Variants in ZNF385D observed in about 807,000 individuals in gnomAD.
ZNF385D encodes the protein zinc finger protein 385D, also known as zinc finger protein 659.
Under a neutral mutation model 35.8 loss-of-function variants are expected in ZNF385D, and 15 were observed. The ratio of observed to expected loss-of-function variants is 0.42; its 90% CI spans 0.28 to 0.64. The LOEUF (loss-of-function observed/expected upper bound fraction) is 0.64, where lower values mean the gene tolerates loss of function less well. Among genes scored for constraint, ZNF385D ranks in the 30% least tolerant of loss-of-function variants. ZNF385D has a pLI of 0.23. For missense variants in ZNF385D, 474 were observed against 494.6 expected, an observed-to-expected ratio of 0.96 and a Z score of 0.39; for synonymous variants, 212 against 186.8, an observed-to-expected ratio of 1.13 and a Z score of -1.10.
intron 3 of ZNF385D, among the ~76,000 whole-genome samples, chr3:21,931,429 G>T (rs73820440): frequency 6.6e-6 from 1 of 152,132 alleles, no homozygotes; most frequent in Non-Finnish European, 1.5e-5. Context: ...TGACCCAGCA[G>T]TTACATTCCT....
intron 3 of ZNF385D, among the ~76,000 whole-genome samples, chr3:21,538,093 A>T (rs1239323569): frequency 6.6e-6 from 1 of 152,132 alleles, no homozygotes; most frequent in Non-Finnish European, 1.5e-5. Flanking sequence ...ATGTTTAGCC[A>T]GTGGAACCAG....
At chr3:21,486,395 A>G (rs1339782672) in intron 4 of ZNF385D, among the ~76,000 whole-genome samples, 1 of 151,924 alleles carries the variant, frequency 6.6e-6, no homozygotes, top group African/African-American at 2.4e-5. Flanking sequence ...CAAATTTGAC[A>G]ATGATACCTG....
At chr3:22,298,760 T>C (rs1262448304) in intron 2 of ZNF385D, among the ~76,000 whole-genome samples, 1 of 151,366 alleles carries the variant, frequency 6.6e-6, no homozygotes, top group African/African-American at 2.4e-5. Context: ...TTTCATTTTC[T>C]TACCATTAAA....
intron 3 of ZNF385D, among the ~76,000 whole-genome samples, chr3:21,559,642 G>A (rs1287017042): frequency 6.6e-6 from 1 of 151,958 alleles, no homozygotes; most frequent in African/African-American, 2.4e-5. Context: ...TGTGTCTTGG[G>A]GTTGCTCTTC....
At chr3:21,910,739 G>C (rs553273084) in intron 3 of ZNF385D, among the ~76,000 whole-genome samples, 18 of 151,496 alleles carry the variant, frequency 1.2e-4, no homozygotes, top group Non-Finnish European at 2.2e-4. Context: ...GGCAGAGAAA[G>C]CTTTATTGGA....
chr3:22,331,858 TG>T (rs1694950253), intron 2 of ZNF385D, among the ~76,000 whole-genome samples: 1 of 152,204 alleles, frequency 6.6e-6, no homozygotes, highest in African/African-American at 2.4e-5. Context: ...TGACATCATT[TG>T]AGTTTAGGTA....
chr3:21,711,408 T>C lies in ZNF385D; in HGVS notation c.22+39487A>G, dbSNP rs553691634. ...TAAATTGATTTCAAAATTTCTAATA[T>C]TCTATTAATAAGTTTGTAAAGATTG... On this transcript the variant is annotated intron_variant, in intron 1 of 7. Coordinates refer to ENST00000281523, the MANE Select transcript of ZNF385D (RefSeq NM_024697.3). Among the ~76,000 whole-genome samples the C allele has an allele frequency of 3.7e-4, 56 of 152,290 alleles. 1 individual carries two copies. Among genetic ancestry groups the C allele is most frequent in the South Asian group, 8.3e-4 (4 of 4,830 alleles).
intron 3 of ZNF385D, among the ~76,000 whole-genome samples, chr3:21,524,654 A>G (rs1049590436): frequency 2.0e-5 from 3 of 152,190 alleles, no homozygotes; most frequent in African/African-American, 7.2e-5. Flanking sequence ...TCACTAGAAC[A>G]GCAAGAGGGG....
At chr3:22,090,361 T>C (rs1321615077) in intron 3 of ZNF385D, among the ~76,000 whole-genome samples, 1 of 152,132 alleles carries the variant, frequency 6.6e-6, no homozygotes, top group Non-Finnish European at 1.5e-5. Context: ...AACTATTGCC[T>C]GTGGTATATT....
chr3:21,450,041 G>T (rs2125276073), intron 4 of ZNF385D, among the ~76,000 whole-genome samples: 1 of 152,300 alleles, frequency 6.6e-6, no homozygotes, highest in Admixed American at 6.5e-5. Flanking sequence ...GGTATCTGAG[G>T]ACTTGGCCTG....
intron 2 of ZNF385D, among the ~76,000 whole-genome samples, chr3:22,261,169 A>G (rs1700610067): frequency 6.6e-6 from 1 of 151,784 alleles, no homozygotes; most frequent in Admixed American, 6.6e-5. Flanking sequence ...ATAGCCTCTC[A>G]AATTTGTTGT....
intron 2 of ZNF385D, among the ~76,000 whole-genome samples, chr3:22,187,604 C>T (rs1380824026): frequency 6.6e-6 from 1 of 151,922 alleles, no homozygotes; most frequent in African/African-American, 2.4e-5. Flanking sequence ...GAACAAAGTT[C>T]TCATGAGGAA....
At chr3:21,785,837 T>G (rs996173666) in intron 3 of ZNF385D, among the ~76,000 whole-genome samples, 8 of 152,144 alleles carry the variant, frequency 5.3e-5, no homozygotes, top group Non-Finnish European at 1.2e-4. Flanking sequence ...ATAAACCTAT[T>G]TGACTAACTG....
chr3:22,258,271 A>T (rs970472230), intron 2 of ZNF385D, among the ~76,000 whole-genome samples: 3 of 151,830 alleles, frequency 2.0e-5, no homozygotes, highest in African/African-American at 7.2e-5. Flanking sequence ...ACATTTACTC[A>T]AAGAGAGGAA....
chr3:22,253,651 G>T (rs1417862346), intron 2 of ZNF385D, among the ~76,000 whole-genome samples: 1 of 151,796 alleles, frequency 6.6e-6, no homozygotes, highest in Non-Finnish European at 1.5e-5. Context: ...AATTTAATTT[G>T]AAACCACAAA....
chr3:21,443,329 A>T, intron 4 of ZNF385D: 1 of 985,282 alleles, frequency 1.0e-6, no homozygotes, highest in Admixed American at 6.1e-5. Context: ...CTGGGGAACA[A>T]AGTGTGGAGT....
chr3:22,166,405 T>C (rs967939843), intron 3 of ZNF385D, among the ~76,000 whole-genome samples: 6 of 152,208 alleles, frequency 3.9e-5, no homozygotes, highest in African/African-American at 1.4e-4. Context: ...GCATAGTTTG[T>C]ACAGAATATT....
At chr3:21,708,927 A>C (rs998108881) in intron 1 of ZNF385D, among the ~76,000 whole-genome samples, 1 of 152,114 alleles carries the variant, frequency 6.6e-6, no homozygotes, top group African/African-American at 2.4e-5. Context: ...GTCCTTACTA[A>C]AACTTAACTA....
intron 3 of ZNF385D, among the ~76,000 whole-genome samples, chr3:22,023,972 G>C (rs1697378493): frequency 6.6e-6 from 1 of 152,150 alleles, no homozygotes; most frequent in South Asian, 2.1e-4. Flanking sequence ...AGGATACAAA[G>C]TATTGATCCC....
Sources: gnomAD v4.1 joint callset for allele counts (sites outside exome capture counted in the v4.1 genomes callset) on GRCh38, gnomAD v4.1.1 for gene constraint, MANE v1.5 for transcripts, NCBI Gene and HGNC (gene_info 2026-07-23, HGNC 2026-07-21) for gene names.